Variants in RIMS4 observed in about 807,000 individuals in gnomAD.
RIMS4 encodes the protein regulating synaptic membrane exocytosis protein 4.
In RIMS4, 9 loss-of-function variants were observed where a neutral mutation model predicts 29.0. The observed-to-expected ratio is 0.31, with a 90% CI of 0.19 to 0.54. The LOEUF is 0.54. Ranked by LOEUF, RIMS4 falls within the 20% of genes least tolerant of loss-of-function variation. RIMS4 has a pLI of 0.94. For missense variants in RIMS4, 193 were observed against 365.7 expected (o/e 0.53, Z 3.85); for synonymous variants, 130 against 152.9 (o/e 0.85, Z 1.10).
At chr20:44,768,385 C>A (rs983459655) in intron 2 of RIMS4, among the ~76,000 whole-genome samples, 1 of 152,178 alleles carries the variant, frequency 6.6e-6, no homozygotes, top group Non-Finnish European at 1.5e-5. Flanking sequence ...TGCAGCCTTG[C>A]GGGGGTGCTC....
At chr20:44,789,015 C>T (rs1199425359) in intron 1 of RIMS4, among the ~76,000 whole-genome samples, 2 of 151,962 alleles carry the variant, frequency 1.3e-5, no homozygotes, top group African/African-American at 2.4e-5. Flanking sequence ...CTGCACCCAA[C>T]CACACTTAGT....
intron 1 of RIMS4, among the ~76,000 whole-genome samples, chr20:44,792,861 G>A (rs1457498549): frequency 6.6e-6 from 1 of 152,146 alleles, no homozygotes; most frequent in Admixed American, 6.5e-5. Context: ...TCTGGTTCGG[G>A]TCTGTGGGGT....
At chr20:44,796,609 G>A (rs2066256309) in intron 1 of RIMS4, among the ~76,000 whole-genome samples, 1 of 152,206 alleles carries the variant, frequency 6.6e-6, no homozygotes, top group African/African-American at 2.4e-5. Flanking sequence ...GAAAAGCAAA[G>A]TACCACAGGG....
chr20:44,786,140 C>T (rs1044802938), intron 1 of RIMS4, among the ~76,000 whole-genome samples: 3 of 152,204 alleles, frequency 2.0e-5, no homozygotes, highest in Admixed American at 2.0e-4. Flanking sequence ...GTAGCAGAAT[C>T]CCTGCTCAGT....
chr20:44,805,581 A>T (rs2066295136), intron 1 of RIMS4, among the ~76,000 whole-genome samples: 1 of 152,092 alleles, frequency 6.6e-6, no homozygotes, highest in Non-Finnish European at 1.5e-5. Context: ...CCTGACCATG[A>T]AGGATATTTT....
At chr20:44,795,464 T>C (rs1205369721) in intron 1 of RIMS4, among the ~76,000 whole-genome samples, 1 of 151,742 alleles carries the variant, frequency 6.6e-6, no homozygotes, top group Non-Finnish European at 1.5e-5. Context: ...TGAAACCCCA[T>C]CTCCACTAAA....
intron 1 of RIMS4, among the ~76,000 whole-genome samples, chr20:44,785,045 T>G (rs570264101): frequency 1.1e-3 from 163 of 152,278 alleles, no homozygotes; most frequent in African/African-American, 3.6e-3. Context: ...ACACATTGAG[T>G]AGCAAGATTC....
At chr20:44,807,619 AG>A (rs1357253517) in intron 1 of RIMS4, among the ~76,000 whole-genome samples, 4 of 152,216 alleles carry the variant, frequency 2.6e-5, no homozygotes, top group Admixed American at 2.0e-4. Flanking sequence ...GCCTGTGTCC[AG>A]TATGGGAGAG....
chr20:44,778,868 T>C (rs1401570271), intron 1 of RIMS4, among the ~76,000 whole-genome samples: 2 of 152,194 alleles, frequency 1.3e-5, no homozygotes, highest in Non-Finnish European at 2.9e-5. Flanking sequence ...AACCTCTCTG[T>C]GGCTCAGTTT....
intron 1 of RIMS4, among the ~76,000 whole-genome samples, chr20:44,807,720 A>C (rs1439906862): frequency 6.6e-6 from 1 of 152,200 alleles, no homozygotes; most frequent in East Asian, 1.9e-4. Flanking sequence ...AAAATTAATG[A>C]CTTTAAGGAG....
intron 1 of RIMS4, among the ~76,000 whole-genome samples, chr20:44,792,885 G>A (rs1162577541): frequency 6.6e-6 from 1 of 152,108 alleles, no homozygotes; most frequent in Non-Finnish European, 1.5e-5. Context: ...AAGAACTCCC[G>A]GACAGAGTGC....
At chr20:44,759,072 C>T (rs542068246) in intron 2 of RIMS4, among the ~76,000 whole-genome samples, 1 of 152,338 alleles carries the variant, frequency 6.6e-6, no homozygotes, top group African/African-American at 2.4e-5. Context: ...ATCTCTTTCC[C>T]ATCTGTGAAA....
intron 1 of RIMS4, among the ~76,000 whole-genome samples, chr20:44,779,997 G>C (rs2066176750): frequency 6.6e-6 from 1 of 152,188 alleles, no homozygotes; most frequent in African/African-American, 2.4e-5. Context: ...TCTTTGTTAA[G>C]AGAATGTGTA....
chr20:44,762,367 C>T (rs948707798), intron 2 of RIMS4, among the ~76,000 whole-genome samples: 2 of 152,142 alleles, frequency 1.3e-5, no homozygotes, highest in African/African-American at 4.8e-5. Flanking sequence ...GTCTCTTTTC[C>T]ACCCTACCCT....
chr20:44,763,793 T>C (rs1213395902), intron 2 of RIMS4, among the ~76,000 whole-genome samples: 1 of 152,168 alleles, frequency 6.6e-6, no homozygotes, highest in African/African-American at 2.4e-5. Context: ...CACGCAGGGG[T>C]TTGACTCCAT....
chr20:44,800,214 A>G (rs1316250916), intron 1 of RIMS4, among the ~76,000 whole-genome samples: 1 of 152,160 alleles, frequency 6.6e-6, no homozygotes, highest in Non-Finnish European at 1.5e-5. Flanking sequence ...ATAAGAATTT[A>G]AAAACAGGAA....
At chr20:44,764,255 C>CATCCATCCATCCATCCATCCATTTATCCA (rs1325046131) in intron 2 of RIMS4, among the ~76,000 whole-genome samples, 27 of 144,392 alleles carry the variant, frequency 1.9e-4, no homozygotes, top group African/African-American at 4.7e-4. Context: ...TCCATCCATC[C>CATCCATCCATCCATCCATCCATTTATCCA]TCCCACAAAC....
At chr20:44,764,129 T>A (rs2066100055) in intron 2 of RIMS4, among the ~76,000 whole-genome samples, 1 of 148,740 alleles carries the variant, frequency 6.7e-6, no homozygotes, top group Non-Finnish European at 1.5e-5. Context: ...CATCCATCCA[T>A]CCATCCATTT....
At chr20:44,783,273 C>A (rs561156087) in intron 1 of RIMS4, among the ~76,000 whole-genome samples, 1 of 152,184 alleles carries the variant, frequency 6.6e-6, no homozygotes, top group African/African-American at 2.4e-5. Context: ...CATCCATGGA[C>A]GAATGAACAA....
Sources: gnomAD v4.1 joint callset for allele counts (sites outside exome capture counted in the v4.1 genomes callset) on GRCh38, gnomAD v4.1.1 for gene constraint, MANE v1.5 for transcripts, NCBI Gene and HGNC (gene_info 2026-07-23, HGNC 2026-07-21) for gene names.